CTNNA3: variants seen among roughly 807,000 people sequenced by gnomAD.
CTNNA3 encodes catenin alpha-3.
A neutral mutation model predicts 95.7 loss-of-function variants in CTNNA3; 76 were observed. The ratio of observed to expected loss-of-function variants is 0.79; its 90% CI spans 0.66 to 0.96. The LOEUF (loss-of-function observed/expected upper bound fraction) is 0.96. Ranked by LOEUF, CTNNA3 falls within the 40% of genes least tolerant of loss-of-function variation. CTNNA3 has a pLI of 0.00. For synonymous variants in CTNNA3, 431 were observed against 374.4 expected (o/e 1.15, Z -1.74); for missense variants, 1,191 against 1,089.8 (o/e 1.09, Z -1.31).
intron 12 of CTNNA3, among the ~76,000 whole-genome samples, chr10:66,331,189 T>A (rs1168551100): frequency 6.6e-6 from 1 of 151,948 alleles, no homozygotes; most frequent in African/African-American, 2.4e-5. Flanking sequence ...CTAGGGTTTT[T>A]ATGGTTTTAG....
chr10:66,518,968 T>A (rs1378103081), intron 11 of CTNNA3, among the ~76,000 whole-genome samples: 1 of 152,092 alleles, frequency 6.6e-6, no homozygotes, highest in Non-Finnish European at 1.5e-5. Context: ...TATGAGAATG[T>A]ATACATACAT....
At chr10:66,904,166 A>G (rs1011193861) in intron 7 of CTNNA3, among the ~76,000 whole-genome samples, 1 of 152,204 alleles carries the variant, frequency 6.6e-6, no homozygotes, top group African/African-American at 2.4e-5. Flanking sequence ...ACTGGTACCA[A>G]AACAGATATA....
At chr10:66,278,381 TTAAA>T (rs2091434904) in intron 13 of CTNNA3, among the ~76,000 whole-genome samples, 1 of 151,608 alleles carries the variant, frequency 6.6e-6, no homozygotes, top group Non-Finnish European at 1.5e-5. Flanking sequence ...TTGTTGAAAA[TTAAA>T]TAAAGACTAG....
chr10:66,333,335 A>C (rs913527610), intron 12 of CTNNA3, among the ~76,000 whole-genome samples: 1 of 151,724 alleles, frequency 6.6e-6, no homozygotes, highest in Non-Finnish European at 1.5e-5. Context: ...TGTCAATTTT[A>C]GATCTTTCCT....
chr10:66,610,695 G>A (rs763285343), intron 10 of CTNNA3, among the ~76,000 whole-genome samples: 6 of 151,928 alleles, frequency 3.9e-5, no homozygotes, highest in South Asian at 2.1e-4. Flanking sequence ...AAAGTCATAC[G>A]GTAAATATGG....
intron 13 of CTNNA3, among the ~76,000 whole-genome samples, chr10:66,154,219 C>A (rs1002170283): frequency 6.6e-6 from 1 of 151,924 alleles, no homozygotes; most frequent in Non-Finnish European, 1.5e-5. Flanking sequence ...TGGTTCTACT[C>A]TTTTATTTAT....
At chr10:66,972,216 C>T (rs1849759763) in intron 7 of CTNNA3, among the ~76,000 whole-genome samples, 1 of 152,186 alleles carries the variant, frequency 6.6e-6, no homozygotes, top group Admixed American at 6.5e-5. Context: ...TTCTTTCTCT[C>T]ACAGGCTAAA....
At chr10:67,677,297 T>A (rs1040441523) in intron 1 of CTNNA3, among the ~76,000 whole-genome samples, 3 of 152,188 alleles carry the variant, frequency 2.0e-5, no homozygotes, top group African/African-American at 7.2e-5. Context: ...GACTTTCAGA[T>A]AAACAAAGAA....
At chr10:65,982,355 GGT>G (rs2133305923) in intron 16 of CTNNA3, among the ~76,000 whole-genome samples, 1 of 151,452 alleles carries the variant, frequency 6.6e-6, no homozygotes, top group African/African-American at 2.4e-5. Flanking sequence ...AACAAAAAAA[GGT>G]GTTGGCATGG....
At chr10:67,576,944 A>G (rs1486370403) in intron 3 of CTNNA3, among the ~76,000 whole-genome samples, 1 of 134,908 alleles carries the variant, frequency 7.4e-6, no homozygotes, top group Non-Finnish European at 1.5e-5. Flanking sequence ...TTCTTAATCC[A>G]GTCTATCATT....
chr10:66,576,053 G>C (rs1305432872), intron 10 of CTNNA3, among the ~76,000 whole-genome samples: 1 of 152,000 alleles, frequency 6.6e-6, no homozygotes, highest in Admixed American at 6.6e-5. Flanking sequence ...AAGACAGAGA[G>C]GTATGGGAGG....
chr10:67,331,575 G>A (rs1264687415), intron 5 of CTNNA3, among the ~76,000 whole-genome samples: 1 of 152,142 alleles, frequency 6.6e-6, no homozygotes, highest in African/African-American at 2.4e-5. Flanking sequence ...CAGTGACCTA[G>A]AAGGCAGTTC....
chr10:67,226,554 A>G (rs1864925546), intron 5 of CTNNA3, among the ~76,000 whole-genome samples: 1 of 152,354 alleles, frequency 6.6e-6, no homozygotes, highest in African/African-American at 2.4e-5. Context: ...GTAAGAAGCA[A>G]TTGGGACCCT....
chr10:66,965,233 T>G (rs975746243), intron 7 of CTNNA3, among the ~76,000 whole-genome samples: 7 of 150,458 alleles, frequency 4.7e-5, no homozygotes, highest in Admixed American at 2.0e-4. Flanking sequence ...TTTTTTGGGG[T>G]TTTTTTGTTT....
At chr10:67,694,159 G>A (rs1057340840) in intron 1 of CTNNA3, among the ~76,000 whole-genome samples, 7 of 152,108 alleles carry the variant, frequency 4.6e-5, no homozygotes, top group East Asian at 1.9e-4. Context: ...GCAAAGTAAC[G>A]TAAGTGATCA....
intron 11 of CTNNA3, among the ~76,000 whole-genome samples, chr10:66,481,461 CTTTTTTTTTTTTTTTTTT>C (rs148278459): frequency 1.4e-5 from 1 of 73,238 alleles, no homozygotes; most frequent in East Asian, 5.0e-4. Context: ...TCCCTTGTTT[CTTTTTTTTTTTTTTTTTT>C]TTTTTTTTTT....
chr10:66,107,214 G>A (rs112481671), intron 13 of CTNNA3, among the ~76,000 whole-genome samples: 4 of 152,162 alleles, frequency 2.6e-5, no homozygotes, highest in African/African-American at 4.8e-5. Context: ...AGACATTAAC[G>A]TTATTTCTCA....
chr10:67,613,351 A>T (rs1454960862), intron 2 of CTNNA3, among the ~76,000 whole-genome samples: 1 of 152,174 alleles, frequency 6.6e-6, no homozygotes, highest in African/African-American at 2.4e-5. Flanking sequence ...GTGAAAAATA[A>T]ACAAACAGTG....
chr10:66,913,143 G>A (rs912158000), intron 7 of CTNNA3, among the ~76,000 whole-genome samples: 1 of 147,532 alleles, frequency 6.8e-6, no homozygotes, highest in African/African-American at 2.5e-5. Flanking sequence ...GGAGGCTGAG[G>A]CAGGAGAATG....
Sources: gnomAD v4.1 joint callset for allele counts (sites outside exome capture counted in the v4.1 genomes callset) on GRCh38, gnomAD v4.1.1 for gene constraint, MANE v1.5 for transcripts, NCBI Gene and HGNC (gene_info 2026-07-23, HGNC 2026-07-21) for gene names.